Variants in RASEF observed in about 807,000 individuals in gnomAD.
RASEF encodes the protein ras and EF-hand domain-containing protein.
In RASEF, 68 loss-of-function variants were observed where a neutral mutation model predicts 90.1. The ratio of observed to expected loss-of-function variants is 0.75; its 90% CI spans 0.62 to 0.92. The LOEUF (loss-of-function observed/expected upper bound fraction) is 0.92, where lower values mean the gene tolerates loss of function less well. Among genes scored for constraint, RASEF ranks in the 40% least tolerant of loss-of-function variants. RASEF has a pLI of 0.00. For missense variants in RASEF, 949 were observed against 937.2 expected, an observed-to-expected ratio of 1.01 and a Z score of -0.16; for synonymous variants, 331 against 345.2, an observed-to-expected ratio of 0.96 and a Z score of 0.46.
At chr9:83,041,677 C>T (rs1829846233) in intron 1 of RASEF, among the ~76,000 whole-genome samples, 1 of 152,200 alleles carries the variant, frequency 6.6e-6, no homozygotes, top group Admixed American at 6.5e-5. Flanking sequence ...CATCTGTCCA[C>T]TCCACTGCTT....
At chr9:83,186,586 C>T in the RASEF span, among the ~76,000 whole-genome samples, 4 of 152,258 alleles carry the variant, frequency 2.6e-5, no homozygotes, top group East Asian at 7.7e-4. Context: ...CTGCTGCAAA[C>T]ACTGCTGTGC....
the RASEF span, among the ~76,000 whole-genome samples, chr9:83,187,986 T>C: frequency 7.2e-5 from 11 of 152,196 alleles, no homozygotes; most frequent in South Asian, 2.1e-4. Context: ...TTCTGATTCA[T>C]ATTATTATTG....
At chr9:83,167,837 A>C in the RASEF span, among the ~76,000 whole-genome samples, 2 of 152,168 alleles carry the variant, frequency 1.3e-5, no homozygotes, top group Non-Finnish European at 2.9e-5. Context: ...ATGTATCAGT[A>C]CTTACCGCTT....
At chr9:83,111,824 A>G in the RASEF span, among the ~76,000 whole-genome samples, 4 of 152,068 alleles carry the variant, frequency 2.6e-5, no homozygotes, top group Non-Finnish European at 4.4e-5. Context: ...AATGGAAGAA[A>G]GCATAAAGGA....
chr9:83,215,898 G>A, the RASEF span, among the ~76,000 whole-genome samples: 1 of 152,150 alleles, frequency 6.6e-6, no homozygotes, highest in African/African-American at 2.4e-5. Context: ...CCAAAATGTT[G>A]ATAGTGATAT....
intron 1 of RASEF, among the ~76,000 whole-genome samples, chr9:83,029,523 G>A (rs1829606291): frequency 6.6e-6 from 1 of 151,052 alleles, no homozygotes; most frequent in African/African-American, 2.4e-5. Context: ...CTCCTGAGTA[G>A]CTGAGATTAC....
chr9:83,035,457 G>A (rs1026836626), intron 1 of RASEF, among the ~76,000 whole-genome samples: 1 of 152,136 alleles, frequency 6.6e-6, no homozygotes, highest in African/African-American at 2.4e-5. Flanking sequence ...CAGATGAACA[G>A]GCTTTTATTC....
chr9:83,108,354 GC>G, the RASEF span, among the ~76,000 whole-genome samples: 1 of 152,068 alleles, frequency 6.6e-6, no homozygotes, highest in African/African-American at 2.4e-5. Context: ...GAGAACTATG[GC>G]CCCCTGGACA....
chr9:83,047,122 T>C (rs1452644244), intron 1 of RASEF, among the ~76,000 whole-genome samples: 1 of 152,116 alleles, frequency 6.6e-6, no homozygotes, highest in African/African-American at 2.4e-5. Flanking sequence ...GCTCTTGGTG[T>C]GCACGTGATG....
chr9:82,997,389 A>G (rs1349532763), intron 13 of RASEF, among the ~76,000 whole-genome samples: 2 of 152,226 alleles, frequency 1.3e-5, no homozygotes, highest in African/African-American at 4.8e-5. Context: ...CCCAGAGCAC[A>G]ACCAGGGAAA....
the RASEF span, among the ~76,000 whole-genome samples, chr9:83,161,872 T>C: frequency 6.6e-6 from 1 of 152,192 alleles, no homozygotes; most frequent in Admixed American, 6.5e-5. Context: ...GGAGTTTCTC[T>C]GCACAAGCTC....
At chr9:83,119,368 G>A in the RASEF span, among the ~76,000 whole-genome samples, 5 of 151,968 alleles carry the variant, frequency 3.3e-5, no homozygotes, top group Non-Finnish European at 7.4e-5. Context: ...AATTGGATTT[G>A]TTTCAATACA....
chr9:83,061,692 C>T (rs1418378804), intron 1 of RASEF, among the ~76,000 whole-genome samples: 1 of 152,196 alleles, frequency 6.6e-6, no homozygotes, highest in African/African-American at 2.4e-5. Flanking sequence ...CGTGACTTGA[C>T]ACGTTATTTC....
chr9:83,195,279 G>A, the RASEF span, among the ~76,000 whole-genome samples: 7 of 152,202 alleles, frequency 4.6e-5, no homozygotes, highest in Non-Finnish European at 8.8e-5. Context: ...GATTTTGAAA[G>A]AGGAAACTGA....
chr9:83,009,548 T>C lies in RASEF; in HGVS notation c.959+93A>G, dbSNP rs540279416. 178 of 630,450 alleles carry C rather than the reference T, an allele frequency of 2.8e-4. 2 individuals carry two copies. The highest frequency in any genetic ancestry group is 4.5e-4 in the Non-Finnish European group (164 of 363,086). The allele number at this position is 630,450 out of a possible 1,614,324, so 39.1% of individuals were successfully genotyped here. A position where few individuals can be genotyped will look rare whatever the true frequency, so the allele number is the denominator to read the frequency against. On this transcript the variant is annotated intron_variant, in intron 6 of 16. Transcript: ENST00000376447. The stretch of plus-strand genomic sequence containing the variant: ...GTAAAGAAGATATTAGCAAAGTTAC[T>C]AACTCTTCATTATTCCATAGCTGAG...
intron 8 of RASEF, among the ~76,000 whole-genome samples, chr9:83,004,847 TACTATGGTTCCCC>T (rs1246872973): frequency 6.6e-6 from 1 of 152,030 alleles, no homozygotes; most frequent in East Asian, 1.9e-4. Flanking sequence ...CATAAAGGAG[TACTATGGTTCCCC>T]ACTTTGCCAG....
chr9:83,153,126 TA>T, the RASEF span, among the ~76,000 whole-genome samples: 5 of 152,192 alleles, frequency 3.3e-5, no homozygotes, highest in African/African-American at 4.8e-5. Flanking sequence ...AACTCAGCCA[TA>T]ATGATTTTAG....
the RASEF span, among the ~76,000 whole-genome samples, chr9:83,093,413 G>A: frequency 6.6e-6 from 1 of 152,204 alleles, no homozygotes; most frequent in Non-Finnish European, 1.5e-5. Context: ...GCTCAGGCAT[G>A]GCGGGCTGCA....
At chr9:82,985,540 C>T (rs539277434) in intron 16 of RASEF, among the ~76,000 whole-genome samples, 4 of 152,272 alleles carry the variant, frequency 2.6e-5, no homozygotes, top group Admixed American at 2.6e-4. Context: ...GGAGCTGGGA[C>T]TCTGTGTTTT....
Sources: allele counts gnomAD v4.1 joint callset (sites outside exome capture counted in the v4.1 genomes callset), GRCh38; gene constraint gnomAD v4.1.1; transcripts MANE v1.5; gene names NCBI Gene and HGNC (gene_info 2026-07-23, HGNC 2026-07-21).